The following ANXA10 variants were observed in gnomAD, a reference collection of about 807,000 sequenced individuals.
ANXA10 encodes annexin A10.
Under a neutral mutation model 53.5 loss-of-function variants are expected in ANXA10, and 49 were observed. The ratio of observed to expected loss-of-function variants is 0.92; its 90% CI spans 0.73 to 1.16. ANXA10 has a LOEUF of 1.16. ANXA10 is among the 50% of genes most tolerant of loss of function. ANXA10 has a pLI of 0.00. For missense variants in ANXA10, 393 were observed against 394.4 expected, an observed-to-expected ratio of 1.00 and a Z score of 0.03; for synonymous variants, 131 against 128.9, an observed-to-expected ratio of 1.02 and a Z score of -0.11.
At chr4:168,103,506 C>T (rs1010024596) in intron 1 of ANXA10, among the ~76,000 whole-genome samples, 6 of 151,936 alleles carry the variant, frequency 3.9e-5, no homozygotes, top group East Asian at 1.9e-4. Context: ...TCTGTCCAAT[C>T]GAGCTATACT....
At chr4:168,126,681 C>T (rs770185236) in intron 1 of ANXA10, among the ~76,000 whole-genome samples, 1 of 152,120 alleles carries the variant, frequency 6.6e-6, no homozygotes, top group Non-Finnish European at 1.5e-5. Flanking sequence ...ATATTTATTT[C>T]TGTTTTGTTT....
At chr4:168,111,652 G>A (rs1185363881) in intron 1 of ANXA10, among the ~76,000 whole-genome samples, 7 of 152,140 alleles carry the variant, frequency 4.6e-5, no homozygotes, top group East Asian at 1.9e-4. Context: ...TGATACACTC[G>A]TGTTAATATC....
intron 6 of ANXA10, among the ~76,000 whole-genome samples, chr4:168,177,122 T>C (rs574427131): frequency 6.6e-6 from 1 of 152,288 alleles, no homozygotes; most frequent in East Asian, 1.9e-4. Flanking sequence ...ATTAGACTGA[T>C]AACATGCCTC....
At chr4:168,164,442 C>T (rs2292734) in intron 5 of ANXA10, among the ~76,000 whole-genome samples, 154 bp downstream of exon 5, 89,340 of 151,958 alleles carry the variant, frequency 0.59, 27,172 homozygotes, top group African/African-American at 0.71. Context: ...TAGGTAAAAC[C>T]GATTATTAGT....
At chr4:168,166,575 C>T (rs1731881467) in intron 6 of ANXA10, among the ~76,000 whole-genome samples, 2 of 151,672 alleles carry the variant, frequency 1.3e-5, no homozygotes, top group South Asian at 4.2e-4. Context: ...TCAAAGGCCA[C>T]AGCTGAGAAA....
intron 10 of ANXA10, among the ~76,000 whole-genome samples, chr4:168,182,151 A>G (rs980543767): frequency 6.6e-6 from 1 of 152,088 alleles, no homozygotes; most frequent in Non-Finnish European, 1.5e-5. Flanking sequence ...GTGAAGTTTC[A>G]ATACACGAAA....
chr4:168,171,135 G>T (rs1487718294), intron 6 of ANXA10, among the ~76,000 whole-genome samples: 1 of 152,126 alleles, frequency 6.6e-6, no homozygotes, highest in African/African-American at 2.4e-5. Flanking sequence ...CTTGATCATT[G>T]TCTGTGGTGT....
At chr4:168,158,826 G>A (rs1385566641) in intron 3 of ANXA10, among the ~76,000 whole-genome samples, 1 of 152,162 alleles carries the variant, frequency 6.6e-6, no homozygotes, top group East Asian at 1.9e-4. Flanking sequence ...CAAATGTCAT[G>A]TTGAAATGTG....
intron 1 of ANXA10, among the ~76,000 whole-genome samples, chr4:168,093,735 T>C (rs1730497465): frequency 1.3e-5 from 2 of 152,176 alleles, no homozygotes; most frequent in Admixed American, 6.5e-5. Flanking sequence ...ACATAATTAT[T>C]TTGTTAAACT....
intron 3 of ANXA10, among the ~76,000 whole-genome samples, chr4:168,151,561 C>T (rs1169779410): frequency 1.3e-5 from 2 of 152,134 alleles, no homozygotes; most frequent in Non-Finnish European, 2.9e-5. Flanking sequence ...GGCAAGTCTT[C>T]GGAATACAGG....
intron 10 of ANXA10, among the ~76,000 whole-genome samples, chr4:168,182,995 G>A (rs559626948): frequency 7.7e-6 from 1 of 130,012 alleles, no homozygotes; most frequent in Non-Finnish European, 1.6e-5. Flanking sequence ...GCGACAGAGC[G>A]AGACACCGTC....
intron 5 of ANXA10, among the ~76,000 whole-genome samples, chr4:168,164,968 A>G (rs1428757268): frequency 6.6e-6 from 1 of 152,218 alleles, no homozygotes; most frequent in Non-Finnish European, 1.5e-5. Flanking sequence ...TGGAAATAGA[A>G]TGCATAATTC....
chr4:168,160,725 G>T (rs1258843941), intron 3 of ANXA10, among the ~76,000 whole-genome samples: 1 of 151,996 alleles, frequency 6.6e-6, no homozygotes, highest in Non-Finnish European at 1.5e-5. Flanking sequence ...AACATCTGTG[G>T]TTTCTTGACT....
intron 1 of ANXA10, among the ~76,000 whole-genome samples, chr4:168,125,273 T>C (rs932998495): frequency 2.0e-4 from 30 of 152,232 alleles, no homozygotes; most frequent in Admixed American, 5.9e-4. Context: ...CTAAGATTTC[T>C]GTACAATTTC....
intron 1 of ANXA10, among the ~76,000 whole-genome samples, chr4:168,100,731 A>G (rs553184010): frequency 6.6e-6 from 1 of 152,228 alleles, no homozygotes; most frequent in South Asian, 2.1e-4. Flanking sequence ...ATTTAGTTTT[A>G]TGAGACTAGA....
At chr4:168,147,193 G>A (rs1186587333) in intron 3 of ANXA10, among the ~76,000 whole-genome samples, 1 of 152,124 alleles carries the variant, frequency 6.6e-6, no homozygotes, top group African/African-American at 2.4e-5. Context: ...AGGTGAGACT[G>A]GCTGGTTTCT....
At chr4:168,119,174 G>T (rs1035464895) in intron 1 of ANXA10, among the ~76,000 whole-genome samples, 4 of 152,072 alleles carry the variant, frequency 2.6e-5, no homozygotes, top group African/African-American at 9.7e-5. Context: ...TTGTGATGAG[G>T]AAATGAGGCT....
intron 1 of ANXA10, among the ~76,000 whole-genome samples, chr4:168,124,390 G>A (rs563190969): frequency 6.6e-6 from 1 of 152,268 alleles, no homozygotes; most frequent in African/African-American, 2.4e-5. Flanking sequence ...TCACGGTGTA[G>A]GAATAGAGAG....
At chr4:168,178,916 T>C (rs1400901851) in intron 8 of ANXA10, among the ~76,000 whole-genome samples, 1 of 152,184 alleles carries the variant, frequency 6.6e-6, no homozygotes, top group African/African-American at 2.4e-5. Flanking sequence ...GGTCCATAAA[T>C]AATGGCTTGT....
Sources: gnomAD v4.1 joint callset for allele counts (sites outside exome capture counted in the v4.1 genomes callset) on GRCh38, gnomAD v4.1.1 for gene constraint, MANE v1.5 for transcripts, NCBI Gene and HGNC (gene_info 2026-07-23, HGNC 2026-07-21) for gene names.